Variants in GLG1 observed in about 807,000 individuals in gnomAD.
The protein encoded by GLG1 is Golgi apparatus protein 1.
Under a neutral mutation model 160.5 loss-of-function variants are expected in GLG1, and 38 were observed. That is an observed-to-expected ratio of 0.24 (90% CI 0.18 to 0.31). The LOEUF is 0.31. GLG1 is among the 10% of genes least tolerant of loss of function. The pLI, the probability that GLG1 is intolerant of heterozygous loss-of-function variation, is 1.00. For synonymous variants in GLG1, 644 were observed against 543.4 expected (o/e 1.19, Z -2.57); for missense variants, 1,373 against 1,505.2 (o/e 0.91, Z 1.45).
intron 11 of GLG1, among the ~76,000 whole-genome samples, chr16:74,478,768 C>T (rs7184913): frequency 0.95 from 143,174 of 151,316 alleles, 67,931 homozygotes; most frequent in East Asian, 1. Flanking sequence ...AAAAATTAGC[C>T]GGGCGTAGTG....
rs537408696 is a variant in GLG1, at chr16:74,553,469, GTTT to G, written c.439-21319_439-21317del. Among the ~76,000 whole-genome samples the G allele has an allele frequency of 9.3e-3, 988 of 106,092 alleles. 6 individuals carry two copies. The highest frequency in any genetic ancestry group is 0.014 in the Non-Finnish European group (769 of 55,632). 69.6% of individuals were successfully genotyped at this position (106,092 alleles called of 152,430 possible). A position where few individuals can be genotyped will look rare whatever the true frequency, so the allele number is the denominator to read the frequency against. On this transcript the variant is annotated intron_variant, in intron 1 of 25. Transcript: ENST00000422840. Reference sequence around the variant, plus strand: ...ACATTCTTTTTTTGGTTTTGTTTCGGTTTTTTTTTTTTTTTTTTTTTGAAACGG... The same window carrying G: ...ACATTCTTTTTTTGGTTTTGTTTCGGTTTTTTTTTTTTTTTTTTGAAACGG...
chr16:74,505,826 C>T (rs1179292138), intron 3 of GLG1, among the ~76,000 whole-genome samples: 1 of 150,984 alleles, frequency 6.6e-6, no homozygotes, highest in African/African-American at 2.4e-5. Flanking sequence ...TTGCATTCCA[C>T]CCTGGGCAAC....
intron 1 of GLG1, among the ~76,000 whole-genome samples, chr16:74,567,249 A>T (rs961958849): frequency 6.6e-6 from 1 of 151,862 alleles, no homozygotes; most frequent in African/African-American, 2.4e-5. Flanking sequence ...GAGAGGAGTT[A>T]GCTGTTTCTT....
intron 1 of GLG1, among the ~76,000 whole-genome samples, chr16:74,557,605 G>T (rs2018387742): frequency 6.6e-6 from 1 of 152,214 alleles, no homozygotes; most frequent in South Asian, 2.1e-4. Flanking sequence ...GCCTGAGTCA[G>T]GAGCTCTTGA....
Position 74,467,821 on chromosome 16 carries a change from G to T in GLG1, c.2464C>A (p.Leu822Ile), listed in dbSNP as rs145619068. The T allele has an allele frequency of 6.2e-7, 1 of 1,613,188 alleles. No homozygotes were observed. Among genetic ancestry groups the T allele is most frequent in the Non-Finnish European group, 8.5e-7 (1 of 1,179,278 alleles). Residue 822 changes from leucine to isoleucine, a missense_variant, in exon 18 of 26, where the codon CTA (leucine) becomes ATA (isoleucine). This residue lies in a region of GLG1 where 491 missense variants were observed against 632.1 expected (regional missense o/e 0.78). Coordinates refer to ENST00000422840, the MANE Select transcript of GLG1 (RefSeq NM_001145667.2). ...ATGTCACTCTTGCAGGCTTCGTATAGATCTGGCTCCAAGCGGATGTCCTCC... is the reference window on the plus strand; with the variant it reads ...ATGTCACTCTTGCAGGCTTCGTATATATCTGGCTCCAAGCGGATGTCCTCC... ...MTEDIRLEPDLYEACKSDIKN... is the reference protein window; with the variant it reads ...MTEDIRLEPDIYEACKSDIKN...
chr16:74,452,252 T>C lies in GLG1; in HGVS notation c.*915A>G, dbSNP rs1378067931. On this transcript the variant is annotated 3_prime_UTR_variant, in exon 26 of 26. Coordinates refer to ENST00000422840, the MANE Select transcript of GLG1 (RefSeq NM_001145667.2). Reference sequence around the variant, plus strand: ...CTGCCTCCTGATGAAGCGCAGAGCTTCCAGAGTGACTGTAGCCTCAGCAGG... The same window carrying C: ...CTGCCTCCTGATGAAGCGCAGAGCTCCCAGAGTGACTGTAGCCTCAGCAGG... The C allele has an allele frequency of 4.0e-6, 6 of 1,506,876 alleles. No homozygotes were observed. The highest frequency in any genetic ancestry group is 5.3e-6 in the Non-Finnish European group (6 of 1,128,294). The allele number at this position is 1,506,876 out of a possible 1,614,324, so 93.3% of individuals were successfully genotyped here. A position where few individuals can be genotyped will look rare whatever the true frequency, so the allele number is the denominator to read the frequency against.
intron 16 of GLG1, chr16:74,469,425 T>C (rs941440083): frequency 4.4e-6 from 1 of 227,480 alleles, no homozygotes; most frequent in African/African-American, 2.2e-5. Flanking sequence ...TCCTGAAAGG[T>C]AGAGAAACCT....
rs2014115735 is a variant in GLG1, at chr16:74,447,556, C to G, written c.*5611G>C. 1 of 152,168 alleles carries G rather than the reference C, an allele frequency of 6.6e-6. No homozygotes were observed. Among genetic ancestry groups the G allele is most frequent in the Admixed American group, 6.5e-5 (1 of 15,276 alleles). 9.4% of individuals were successfully genotyped at this position (152,168 alleles called of 1,614,324 possible). On this transcript the variant is annotated 3_prime_UTR_variant, in exon 26 of 26. Coordinates refer to ENST00000422840, the MANE Select transcript of GLG1 (RefSeq NM_001145667.2). ...ATTACACAGCATGAACATGTAAAAA[C>G]AAGGGACCACCACGATTTTATACAT...
intron 1 of GLG1, among the ~76,000 whole-genome samples, chr16:74,539,538 A>T (rs1442850439): frequency 3.4e-5 from 5 of 147,930 alleles, no homozygotes; most frequent in Non-Finnish European, 7.5e-5. Context: ...GAATTAGCAG[A>T]ATGACTCAGA....
rs76077265 is a variant in GLG1 at position 74,496,395 on chromosome 16, G to A, written c.978+46C>T. The A allele has an allele frequency of 2.1e-3, 2,517 of 1,226,198 alleles. 36 individuals carry two copies. In the African/African-American group the frequency reaches 0.033, roughly 16 times the overall value. 76.0% of individuals were successfully genotyped at this position (1,226,198 alleles called of 1,614,324 possible). ...AATTAATTAAAACAAAATTATATAT[G>A]TGTAAAAATAAAAGGAAGAAAAGAA... On this transcript the variant is annotated intron_variant, in intron 5 of 25. Coordinates refer to ENST00000422840, the MANE Select transcript of GLG1 (RefSeq NM_001145667.2).
chr16:74,591,550 C>G (rs976955430), intron 1 of GLG1, among the ~76,000 whole-genome samples: 6 of 151,988 alleles, frequency 3.9e-5, no homozygotes, highest in Non-Finnish European at 7.4e-5. Context: ...ATGGCCTGAA[C>G]CCGGGAGGCG....
intron 1 of GLG1, among the ~76,000 whole-genome samples, chr16:74,576,585 C>T (rs2143804250): frequency 6.6e-6 from 1 of 152,312 alleles, no homozygotes; most frequent in East Asian, 1.9e-4. Context: ...CAGAGCCATA[C>T]TAAAACAGGT....
At chr16:74,454,362 C>A (rs1468092905) in intron 25 of GLG1, among the ~76,000 whole-genome samples, 2 of 151,594 alleles carry the variant, frequency 1.3e-5, no homozygotes, top group Non-Finnish European at 2.9e-5. Context: ...CACCACCATG[C>A]CTGGCTAATT....
At chr16:74,513,415 G>A (rs748034108) in intron 2 of GLG1, among the ~76,000 whole-genome samples, 1 of 152,048 alleles carries the variant, frequency 6.6e-6, no homozygotes, top group Non-Finnish European at 1.5e-5. Flanking sequence ...ATACAGGCAG[G>A]TGCCCCTCTG....
At chr16:74,529,458 C>T (rs2017455777) in intron 2 of GLG1, among the ~76,000 whole-genome samples, 1 of 151,846 alleles carries the variant, frequency 6.6e-6, no homozygotes, top group African/African-American at 2.4e-5. Context: ...TTATTTTCCT[C>T]TATTTTATTT....
intron 1 of GLG1, among the ~76,000 whole-genome samples, chr16:74,543,108 G>T (rs1276353879): frequency 4.6e-5 from 7 of 151,818 alleles, no homozygotes; most frequent in African/African-American, 1.7e-4. Context: ...GAGCAAATAG[G>T]GCTGAGCTGC....
At chr16:74,528,594 C>T (rs936761853) in intron 2 of GLG1, among the ~76,000 whole-genome samples, 2 of 151,724 alleles carry the variant, frequency 1.3e-5, no homozygotes, top group African/African-American at 4.8e-5. Flanking sequence ...GGTGGATCAC[C>T]TGAGGTCAGG....
intron 1 of GLG1, among the ~76,000 whole-genome samples, chr16:74,536,641 G>T (rs1328461319): frequency 1.3e-5 from 2 of 152,158 alleles, no homozygotes; most frequent in Non-Finnish European, 2.9e-5. Flanking sequence ...TCCCTTGGGG[G>T]TCAGGAAGAA....
chr16:74,466,143 A>C (rs1345899619), intron 18 of GLG1, among the ~76,000 whole-genome samples: 1 of 152,190 alleles, frequency 6.6e-6, no homozygotes, highest in Non-Finnish European at 1.5e-5. Flanking sequence ...GCATTTTCCC[A>C]GAGCAACAGC....
Sources: gnomAD v4.1 joint callset for allele counts (sites outside exome capture counted in the v4.1 genomes callset) on GRCh38, gnomAD v4.1.1 for gene constraint, gnomAD v4.1.1 regional missense constraint, MANE v1.5 for transcripts, NCBI Gene and HGNC (gene_info 2026-07-23, HGNC 2026-07-21) for gene names.